The following WEE2 variants were observed in gnomAD, a reference collection of about 807,000 sequenced individuals.
WEE2 encodes wee1-like protein kinase 2.
Under a neutral mutation model 60.1 loss-of-function variants are expected in WEE2, and 50 were observed. The ratio of observed to expected loss-of-function variants is 0.83; its 90% CI spans 0.66 to 1.05. The LOEUF (loss-of-function observed/expected upper bound fraction) is 1.05, where lower values mean the gene tolerates loss of function less well. Among genes scored for constraint, WEE2 ranks in the 50% least tolerant of loss-of-function variants. WEE2 has a pLI of 0.00. For synonymous variants in WEE2, 240 were observed against 241.0 expected (o/e 1.00, Z 0.04); for missense variants, 631 against 684.3 (o/e 0.92, Z 0.87).
At chr7:141,718,980 C>G (rs1256177536) in intron 3 of WEE2, 92 bp from the exon 4 acceptor site, 1 of 1,287,968 alleles carries the variant, frequency 7.8e-7, no homozygotes, top group African/African-American at 1.5e-5. Context: ...TTTTTGAAAA[C>G]TTGGAGCAAC....
intron 5 of WEE2, among the ~76,000 whole-genome samples, chr7:141,721,632 G>T (rs748811616): frequency 6.6e-6 from 1 of 151,818 alleles, no homozygotes; most frequent in Non-Finnish European, 1.5e-5. Flanking sequence ...CTAATTTTTT[G>T]TATTTTTTTT....
At position 141,724,049 on chromosome 7, in the gene WEE2, G is replaced by A. The variant is rs765705974; in HGVS notation, c.1135+1G>A. On this transcript the variant is annotated splice_donor_variant, in intron 7 of 11. Coordinates refer to ENST00000397541, the MANE Select transcript of WEE2 (RefSeq NM_001105558.1). LOFTEE classifies it high-confidence loss of function. ...TCTGCCAATGTGATGTATAAAATTG[G>A]TTAGTCTGCCTTATAGCCTTACCAG... 4.3e-6 allele frequency: 7 copies of A among 1,610,100 alleles called. No homozygotes were observed. In the South Asian group the frequency reaches 7.7e-5, roughly 18 times the overall value.
At chr7:141,716,356 C>A in intron 3 of WEE2, 89 bp downstream of exon 3, 1 of 1,239,400 alleles carries the variant, frequency 8.1e-7, no homozygotes, top group Non-Finnish European at 1.2e-6. Flanking sequence ...CCTCTCTCTC[C>A]TCCCTCCTCC....
rs747758256 is a variant in WEE2 at position 141,708,856 on chromosome 7, G to C, written c.98G>C (p.Ser33Thr). Residue 33 changes from serine to threonine, a missense_variant, in exon 1 of 12, where the codon AGC becomes ACC. Transcript: ENST00000397541. ...EIEGQKKVEE[S>T]REASSQTPEK... ...GAAGGGCAGAAGAAAGTAGAAGAAA[G>C]CAGGGAGGCTTCGAGCCAAACCCCA... The C allele has an allele frequency of 3.7e-6, 6 of 1,614,042 alleles. No individual in the cohort carries two copies. In the Admixed American group the frequency reaches 8.3e-5, roughly 22 times the overall value.
intron 10 of WEE2, among the ~76,000 whole-genome samples, chr7:141,728,937 C>T (rs960003328): frequency 1.3e-5 from 2 of 152,200 alleles, no homozygotes; most frequent in Admixed American, 6.5e-5. Flanking sequence ...TCTCCTCCCC[C>T]GACTCCCCAC....
At chr7:141,714,437 A>C in intron 2 of WEE2, 32 bp downstream of exon 2, 1 of 1,517,712 alleles carries the variant, frequency 6.6e-7, no homozygotes, top group South Asian at 1.2e-5. Context: ...ACTTTTGAGA[A>C]CTGACCCTAC....
chr7:141,709,209 G>A (rs1042285870), intron 1 of WEE2, 109 bp downstream of exon 1: 45 of 771,880 alleles, frequency 5.8e-5, no homozygotes, highest in Admixed American at 5.8e-4. Flanking sequence ...TCCAGGCTGT[G>A]TATATCCTCA....
Position 141,719,260 on chromosome 7 carries a change from A to T in WEE2, c.758+16A>T. 2 of 1,568,368 alleles carry T rather than the reference A, an allele frequency of 1.3e-6. No homozygotes were observed. Among genetic ancestry groups the T allele is most frequent in the South Asian group, 2.4e-5 (2 of 84,012 alleles). On this transcript the variant is annotated intron_variant, in intron 4 of 11. Coordinates refer to ENST00000397541, the MANE Select transcript of WEE2 (RefSeq NM_001105558.1). ...TATCAAATGAGTGAGTACCTTTGAA[A>T]TGCACTAAAAATATAAACTTAGATT...
intron 4 of WEE2, among the ~76,000 whole-genome samples, 172 bp downstream of exon 4, chr7:141,719,416 A>T (rs1584741956): frequency 6.6e-6 from 1 of 152,168 alleles, no homozygotes; most frequent in Non-Finnish European, 1.5e-5. Context: ...TCCAGCTCAG[A>T]GATGTTACTT....
At chr7:141,709,957 T>C (rs1384776100) in intron 1 of WEE2, among the ~76,000 whole-genome samples, 1 of 152,164 alleles carries the variant, frequency 6.6e-6, no homozygotes, top group African/African-American at 2.4e-5. Flanking sequence ...ATCATCATAA[T>C]AACATCTGTG....
At chr7:141,725,940 C>A (rs1389318998) in intron 9 of WEE2, among the ~76,000 whole-genome samples, 1 of 152,066 alleles carries the variant, frequency 6.6e-6, no homozygotes, top group Non-Finnish European at 1.5e-5. Flanking sequence ...AGTGATAGTA[C>A]TAAAAGAATG....
Position 141,714,299 on chromosome 7 carries a change from G to A in WEE2, c.433G>A (p.Asp145Asn). 3 of 1,613,852 alleles carry A rather than the reference G, an allele frequency of 1.9e-6. No homozygotes were observed. The highest frequency in any genetic ancestry group is 2.5e-6 in the Non-Finnish European group (3 of 1,179,856). Residue 145 changes from aspartate (D) to asparagine (N), a missense_variant, in exon 2 of 12, where the codon GAT (aspartate) becomes AAT (asparagine). Asp to Asn is a conservative substitution (Grantham distance 23). Transcript: ENST00000397541. Reference protein sequence around the residue: ...HLKLTPAPLKDEMTSLALVNI... With the variant: ...HLKLTPAPLKNEMTSLALVNI... Reference sequence around the variant, plus strand: ...GAAGCTCACACCTGCTCCCCTCAAGGATGAGATGACCTCATTGGCTCTGGT... The same window carrying A: ...GAAGCTCACACCTGCTCCCCTCAAGAATGAGATGACCTCATTGGCTCTGGT...
At chr7:141,721,131 C>T (rs1360781439) in intron 5 of WEE2, 75 bp downstream of exon 5, 3 of 1,569,230 alleles carry the variant, frequency 1.9e-6, no homozygotes, top group Admixed American at 1.7e-5. Context: ...ACTTTCCCTC[C>T]TCCTCATAGT....
chr7:141,727,660 C>T, intron 10 of WEE2: 1 of 524,384 alleles, frequency 1.9e-6, no homozygotes. Context: ...GAGAAAATTC[C>T]AGTTAACGCA....
In WEE2 at chr7:141,731,018, G is replaced by C. The variant is rs1799130662; in HGVS notation, c.*698G>C. ...GAACATTTTATGAATAAAAGGGTAA[G>C]AGAATTGAGTGGGTCAGTAGTAACA... On this transcript the variant is annotated 3_prime_UTR_variant, in exon 12 of 12. Transcript: ENST00000397541. 6.6e-6 allele frequency: 1 copy of C among 152,078 alleles called. No homozygotes were observed. The highest frequency in any genetic ancestry group is 1.5e-5 in the Non-Finnish European group (1 of 68,018). The allele number at this position is 152,078 out of a possible 1,614,324, so 9.4% of individuals were successfully genotyped here. A position where few individuals can be genotyped will look rare whatever the true frequency, so the allele number is the denominator to read the frequency against.
chr7:141,715,632 C>T (rs1020662433), intron 2 of WEE2, among the ~76,000 whole-genome samples: 6 of 152,064 alleles, frequency 3.9e-5, no homozygotes, highest in South Asian at 2.1e-4. Context: ...TATCTCATCC[C>T]GGGTTAGAGC....
intron 1 of WEE2, among the ~76,000 whole-genome samples, chr7:141,709,471 A>G (rs1798678118): frequency 6.6e-6 from 1 of 152,218 alleles, no homozygotes; most frequent in Non-Finnish European, 1.5e-5. Flanking sequence ...ACTGTCTCAC[A>G]GCTCAGCCAA....
chr7:141,729,452 C>T, intron 10 of WEE2, 79 bp from the exon 11 acceptor site: 1 of 1,573,230 alleles, frequency 6.4e-7, no homozygotes, highest in South Asian at 1.1e-5. Context: ...AGAAGAAAAA[C>T]ATTTATATAT....
chr7:141,715,677 G>A (rs376667465), intron 2 of WEE2, among the ~76,000 whole-genome samples: 64 of 152,216 alleles, frequency 4.2e-4, no homozygotes, highest in African/African-American at 1.4e-3. Context: ...CCTGTGAACC[G>A]ATTACAAAGC....
Sources: gnomAD v4.1 joint callset for allele counts (sites outside exome capture counted in the v4.1 genomes callset) on GRCh38, gnomAD v4.1.1 for gene constraint, MANE v1.5 for transcripts, NCBI Gene and HGNC (gene_info 2026-07-23, HGNC 2026-07-21) for gene names.